Variants in TSPAN12 observed in about 807,000 individuals in gnomAD.
TSPAN12 encodes the protein tetraspanin-12.
Under a neutral mutation model 39.2 loss-of-function variants are expected in TSPAN12, and 19 were observed. That is an observed-to-expected ratio of 0.49 (90% CI 0.34 to 0.71). The LOEUF (loss-of-function observed/expected upper bound fraction) is 0.71. Ranked by LOEUF, TSPAN12 falls within the 30% of genes least tolerant of loss-of-function variation. TSPAN12 has a pLI of 0.01. For missense variants in TSPAN12, 314 were observed against 359.9 expected (o/e 0.87, Z 1.03); for synonymous variants, 119 against 124.8 (o/e 0.95, Z 0.31).
intron 7 of TSPAN12, among the ~76,000 whole-genome samples, chr7:120,800,664 G>A (rs1793748651): frequency 6.6e-6 from 1 of 150,610 alleles, no homozygotes; most frequent in African/African-American, 2.4e-5. Context: ...AGCCTAATCT[G>A]TCTCCCCCAC....
At chr7:120,799,982 AAAAC>A (rs1006986841) in intron 7 of TSPAN12, among the ~76,000 whole-genome samples, 67 of 150,548 alleles carry the variant, frequency 4.5e-4, no homozygotes, top group East Asian at 3.9e-3. Flanking sequence ...TCTATCAGTC[AAAAC>A]AAACAGACAT....
intron 7 of TSPAN12, among the ~76,000 whole-genome samples, chr7:120,801,336 G>A (rs1793766853): frequency 2.0e-5 from 3 of 152,090 alleles, no homozygotes; most frequent in Admixed American, 6.6e-5. Flanking sequence ...ATGTTTTCTA[G>A]CATTGGGAGA....
intron 4 of TSPAN12, among the ~76,000 whole-genome samples, chr7:120,821,391 T>G (rs781489969): frequency 8.0e-5 from 12 of 150,504 alleles, no homozygotes; most frequent in Non-Finnish European, 1.3e-4. Context: ...TAATAGAAGA[T>G]TAAATAAAAC....
Position 120,788,822 on chromosome 7 carries a change from T to C in TSPAN12, c.688A>G (p.Ile230Val), listed in dbSNP as rs1020326760. The C allele has an allele frequency of 6.8e-6, 11 of 1,614,022 alleles. No homozygotes were observed. Among genetic ancestry groups the C allele is most frequent in the South Asian group, 2.2e-5 (2 of 91,082 alleles). Residue 230 changes from isoleucine to valine, a missense_variant, in exon 8 of 8, where the codon ATT (isoleucine) becomes GTT (valine). Ile to Val is a conservative substitution (Grantham distance 29). Coordinates refer to ENST00000222747, the MANE Select transcript of TSPAN12 (RefSeq NM_012338.4). Reference protein sequence around the residue: ...LQVLRFLGISIGVTQILAMIL... With the variant: ...LQVLRFLGISVGVTQILAMIL... ...ATGGCCAGGATTTGTGTCACCCCAATGGAGATTCCCAGAAACCTCAGCACC... is the reference window on the plus strand; with the variant it reads ...ATGGCCAGGATTTGTGTCACCCCAACGGAGATTCCCAGAAACCTCAGCACC...
rs1427018613 is a variant in TSPAN12, at chr7:120,788,848, T to C, written c.662A>G (p.Gln221Arg). The change falls in exon 8 of 8, where the codon CAG (glutamine) becomes CGG (arginine). Residue 221 changes from glutamine (Q) to arginine (R), a missense_variant. Coordinates refer to ENST00000222747, the MANE Select transcript of TSPAN12 (RefSeq NM_012338.4). ...GGAGATTCCCAGAAACCTCAGCACC[T>C]GCAGTTGTTTGGTTCCTCTCAAAAA... ...YSFLRGTKQL[Q>R]VLRFLGISIG... 2 of 1,614,166 alleles carry C rather than the reference T, an allele frequency of 1.2e-6. No homozygotes were observed. The highest frequency in any genetic ancestry group is 2.2e-5 in the East Asian group (1 of 44,882).
chr7:120,806,566 T>A lies in TSPAN12; in HGVS notation c.595A>T (p.Ser199Cys), dbSNP rs1350863044. 1.9e-6 allele frequency: 3 copies of A among 1,613,382 alleles called. No individual in the cohort carries two copies. The highest frequency in any genetic ancestry group is 2.5e-6 in the Non-Finnish European group (3 of 1,179,540). ...GGCCTCACCTCTTGATAAAGGTCAC[T>A]GAGATCTTCCTGGTGGGCCTGTTTG... ...CSKQAHQEDLSDLYQEGCGKK... is the reference protein window; with the variant it reads ...CSKQAHQEDLCDLYQEGCGKK... The change falls in exon 7 of 8, where the codon AGT becomes TGT. Residue 199 changes from serine (S) to cysteine (C), a missense_variant. By Grantham distance (112) the Ser-to-Cys change is moderately radical. Coordinates refer to ENST00000222747, the MANE Select transcript of TSPAN12 (RefSeq NM_012338.4).
chr7:120,794,104 AT>A (rs1156936375), intron 7 of TSPAN12, among the ~76,000 whole-genome samples: 1 of 152,094 alleles, frequency 6.6e-6, no homozygotes, highest in African/African-American at 2.4e-5. Flanking sequence ...TGACTTTCCA[AT>A]TCTGTTTATA....
intron 4 of TSPAN12, among the ~76,000 whole-genome samples, chr7:120,827,788 T>C (rs1794317449): frequency 2.6e-5 from 4 of 152,348 alleles, no homozygotes; most frequent in African/African-American, 9.6e-5. Flanking sequence ...TCCAAGTTTG[T>C]CTAAGCAGTT....
At chr7:120,814,484 C>A (rs970003067) in intron 5 of TSPAN12, among the ~76,000 whole-genome samples, 1 of 152,172 alleles carries the variant, frequency 6.6e-6, no homozygotes, top group Non-Finnish European at 1.5e-5. Flanking sequence ...TATGGAAAAT[C>A]ACCATTTTAC....
In TSPAN12 at chr7:120,788,394, G is replaced by A; in HGVS notation, c.*198C>T. ...GACATCTGTCTTCAGCATTTTAAGG[G>A]CATCAATTATTGTCCAGGTGGTGAC... On this transcript the variant is annotated 3_prime_UTR_variant, in exon 8 of 8. Coordinates refer to ENST00000222747, the MANE Select transcript of TSPAN12 (RefSeq NM_012338.4). The A allele has an allele frequency of 1.6e-6, 1 of 627,896 alleles. No individual in the cohort carries two copies. The highest frequency in any genetic ancestry group is 2.7e-6 in the Non-Finnish European group (1 of 364,970). The allele number at this position is 627,896 out of a possible 1,614,324, so 38.9% of individuals were successfully genotyped here.
chr7:120,796,533 T>G (rs1055261958), intron 7 of TSPAN12, among the ~76,000 whole-genome samples: 18 of 152,198 alleles, frequency 1.2e-4, no homozygotes, highest in Non-Finnish European at 2.5e-4. Flanking sequence ...AATTTATCTT[T>G]GTATATTACA....
At chr7:120,823,692 T>C (rs560950843) in intron 4 of TSPAN12, among the ~76,000 whole-genome samples, 1 of 152,240 alleles carries the variant, frequency 6.6e-6, no homozygotes, top group Non-Finnish European at 1.5e-5. Flanking sequence ...TACATAAATA[T>C]ATGATTTAGA....
chr7:120,817,328 G>A (rs1794103611), intron 4 of TSPAN12, among the ~76,000 whole-genome samples: 1 of 152,072 alleles, frequency 6.6e-6, no homozygotes, highest in Non-Finnish European at 1.5e-5. Context: ...GATTGAGGCT[G>A]TAGTGAGCAA....
chr7:120,799,609 T>A (rs1325157663), intron 7 of TSPAN12, among the ~76,000 whole-genome samples: 2 of 113,454 alleles, frequency 1.8e-5, no homozygotes, highest in African/African-American at 3.7e-5. Flanking sequence ...TATATAATTA[T>A]ATATATAATT....
chr7:120,856,999 A>AC, intron 1 of TSPAN12, 166 bp from the exon 2 acceptor site: 1 of 593,174 alleles, frequency 1.7e-6, no homozygotes, highest in Non-Finnish European at 3.0e-6. Flanking sequence ...CATAATGGTA[A>AC]CTAAACTCCC....
At chr7:120,851,880 T>C (rs985952733) in intron 2 of TSPAN12, among the ~76,000 whole-genome samples, 5 of 152,132 alleles carry the variant, frequency 3.3e-5, no homozygotes, top group East Asian at 1.9e-4. Flanking sequence ...CCGACCCCAG[T>C]ACAATAGTAC....
chr7:120,837,563 C>T (rs1345975936), intron 4 of TSPAN12, among the ~76,000 whole-genome samples: 4 of 152,132 alleles, frequency 2.6e-5, no homozygotes, highest in Non-Finnish European at 4.4e-5. Context: ...CTGCCTGCCT[C>T]GGCCTCCCAA....
At chr7:120,818,956 A>C (rs1044971585) in intron 4 of TSPAN12, among the ~76,000 whole-genome samples, 2 of 152,066 alleles carry the variant, frequency 1.3e-5, no homozygotes, top group African/African-American at 4.8e-5. Flanking sequence ...CTAGACATAA[A>C]AAATATTATA....
intron 7 of TSPAN12, among the ~76,000 whole-genome samples, chr7:120,800,279 A>G (rs886370594): frequency 6.6e-6 from 1 of 152,060 alleles, no homozygotes; most frequent in Non-Finnish European, 1.5e-5. Context: ...CCACTGATAC[A>G]GTTTCTCTCC....
Sources: allele counts gnomAD v4.1 joint callset (sites outside exome capture counted in the v4.1 genomes callset), GRCh38; gene constraint gnomAD v4.1.1; transcripts MANE v1.5; gene names NCBI Gene and HGNC (gene_info 2026-07-23, HGNC 2026-07-21).